DIMT1: variants seen among roughly 807,000 people sequenced by gnomAD.
The protein encoded by DIMT1 is DIM1 rRNA methyltransferase and ribosome maturation factor.
DIMT1 carries 36 observed loss-of-function variants against 43.2 expected under a neutral mutation model. That is an observed-to-expected ratio of 0.83 (90% confidence interval 0.64 to 1.10). DIMT1 has a LOEUF of 1.10. Ranked by LOEUF, DIMT1 falls within the 50% of genes least tolerant of loss-of-function variation. The pLI, the probability that DIMT1 is intolerant of heterozygous loss-of-function variation, is 0.00. For synonymous variants in DIMT1, 126 were observed against 130.3 expected (o/e 0.97, Z 0.22); for missense variants, 341 against 385.3 (o/e 0.88, Z 0.96).
intron 2 of DIMT1, 143 bp from the exon 3 acceptor site, chr5:62,402,265 GGTTAACAAAA>G: frequency 1.3e-6 from 1 of 791,460 alleles, no homozygotes; most frequent in South Asian, 1.7e-5. Context: ...TGATCTACGT[GGTTAACAAAA>G]TTACCTCAAT....
At chr5:62,395,487 GTA>G (rs1182402417) in intron 6 of DIMT1, among the ~76,000 whole-genome samples, 2 of 152,058 alleles carry the variant, frequency 1.3e-5, no homozygotes, top group African/African-American at 4.8e-5. Context: ...ATGTCTGTAT[GTA>G]TATGTGTTTA....
chr5:62,403,395 T>C (rs372927915), intron 1 of DIMT1, 49 bp from the exon 2 acceptor site: 232 of 1,565,594 alleles, frequency 1.5e-4, no homozygotes, highest in Non-Finnish European at 1.8e-4. Flanking sequence ...AGATTAGATA[T>C]TAGGCAGTAC....
At chr5:62,389,083 T>C (rs1435855359) in intron 11 of DIMT1, 31 bp from the exon 12 acceptor site, 8 of 1,588,174 alleles carry the variant, frequency 5.0e-6, no homozygotes, top group Non-Finnish European at 6.9e-6. Flanking sequence ...GGAATGGTAC[T>C]GAAAAGCTAA....
chr5:62,388,976 T>C lies in DIMT1; in HGVS notation c.*34A>G. 3 of 1,585,444 alleles carry C rather than the reference T, an allele frequency of 1.9e-6. No individual in the cohort carries two copies. The highest frequency in any genetic ancestry group is 2.6e-6 in the Non-Finnish European group (3 of 1,159,114). On this transcript the variant is annotated 3_prime_UTR_variant, in exon 12 of 12. Coordinates refer to ENST00000199320, the MANE Select transcript of DIMT1 (RefSeq NM_014473.4). Reference sequence around the variant, plus strand: ...ACAAAAAATACAAAATTCATTTCTTTTCTTGACCTTGAAAATTTCTGTTTT... The same window carrying C: ...ACAAAAAATACAAAATTCATTTCTTCTCTTGACCTTGAAAATTTCTGTTTT...
At chr5:62,390,194 G>A (rs986800037) in intron 11 of DIMT1, among the ~76,000 whole-genome samples, 2 of 152,184 alleles carry the variant, frequency 1.3e-5, no homozygotes, top group African/African-American at 4.8e-5. Context: ...CCTTCTGAAA[G>A]TTAACATCTT....
intron 11 of DIMT1, among the ~76,000 whole-genome samples, chr5:62,390,538 A>C (rs1742253458): frequency 6.6e-6 from 1 of 152,160 alleles, no homozygotes. Context: ...ACTATTTTGG[A>C]GGGATAAGCT....
chr5:62,394,062 G>A lies in DIMT1; in HGVS notation c.571-15C>T, dbSNP rs778490478. On this transcript the variant is annotated splice_polypyrimidine_tract_variant and intron_variant, in intron 7 of 11. Coordinates refer to ENST00000199320, the MANE Select transcript of DIMT1 (RefSeq NM_014473.4). ...TTCTTTCCCACCTGTTAATGAAAAA[G>A]TATTTAAGTAGTACTCACAAAGGCA... 1 of 1,609,172 alleles carries A rather than the reference G, an allele frequency of 6.2e-7. No homozygotes were observed. The highest frequency in any genetic ancestry group is 2.2e-5 in the East Asian group (1 of 44,776).
At position 62,387,962 on chromosome 5, in the gene DIMT1, A is replaced by G. The variant is rs1020536275; in HGVS notation, c.*1048T>C. ...TAAAAAAAGCCAAATATCAATAAAG[A>G]TATTTTTATTAATTTTTTATAGAAA... On this transcript the variant is annotated 3_prime_UTR_variant, in exon 12 of 12. Transcript: ENST00000199320. 1.3e-5 allele frequency: 2 copies of G among 152,118 alleles called. No homozygotes were observed. Among genetic ancestry groups the G allele is most frequent in the East Asian group, 3.8e-4 (2 of 5,202 alleles). 9.4% of individuals were successfully genotyped at this position (152,118 alleles called of 1,614,324 possible).
At chr5:62,392,461 AC>A (rs1200755590) in intron 9 of DIMT1, among the ~76,000 whole-genome samples, 1 of 152,032 alleles carries the variant, frequency 6.6e-6, no homozygotes, top group Admixed American at 6.6e-5. Flanking sequence ...AAATCCTAAT[AC>A]CTCTTAAATT....
intron 2 of DIMT1, 105 bp downstream of exon 2, chr5:62,403,168 T>G (rs1355654584): frequency 1.0e-6 from 1 of 985,218 alleles, no homozygotes; most frequent in Non-Finnish European, 1.6e-6. Context: ...CAACAAATAT[T>G]TACAGAGCAT....
At chr5:62,394,089 CTT>C (rs771451193) in intron 7 of DIMT1, 42 bp from the exon 8 acceptor site, 16 of 1,583,090 alleles carry the variant, frequency 1.0e-5, no homozygotes, top group Non-Finnish European at 1.4e-5. Flanking sequence ...ACAAAGGCAA[CTT>C]TTATTTAGTA....
At position 62,403,869 on chromosome 5, in the gene DIMT1, G is replaced by GC; in HGVS notation, c.-98dup. On this transcript the variant is annotated 5_prime_UTR_variant, in exon 1 of 12. Coordinates refer to ENST00000199320, the MANE Select transcript of DIMT1 (RefSeq NM_014473.4). Reference sequence around the variant, plus strand: ...CACGTGGGGATCGCCGCCACGCGCCGCCCGCACCACTCTGGCCCAAGCGCC... The same window carrying GC: ...CACGTGGGGATCGCCGCCACGCGCCGCCCCGCACCACTCTGGCCCAAGCGCC... 1 of 1,324,490 alleles carries GC rather than the reference G, an allele frequency of 7.6e-7. No individual in the cohort carries two copies. The highest frequency in any genetic ancestry group is 1.0e-6 in the Non-Finnish European group (1 of 959,602). 82.0% of individuals were successfully genotyped at this position (1,324,490 alleles called of 1,614,324 possible).
rs747308911 is a variant in DIMT1, at chr5:62,392,997, T to C, written c.664-7A>G. ...TTACTAGACCATCCCATTCCTGAAA[T>C]AGAAGATAGACATTTTCTTCAAATT... is the stretch of plus-strand genomic sequence containing the variant. On this transcript the variant is annotated splice_region_variant and splice_polypyrimidine_tract_variant and intron_variant, in intron 8 of 11. Transcript: ENST00000199320. The C allele has an allele frequency of 6.3e-7, 1 of 1,598,640 alleles. No individual in the cohort carries two copies.
At chr5:62,401,477 AG>A (rs1437569994) in intron 3 of DIMT1, among the ~76,000 whole-genome samples, 1 of 126,508 alleles carries the variant, frequency 7.9e-6, no homozygotes, top group Non-Finnish European at 1.6e-5. Context: ...CCTGGGGAAC[AG>A]TGTGAAATTC....
At chr5:62,394,186 G>A in intron 7 of DIMT1, 139 bp from the exon 8 acceptor site, 1 of 920,028 alleles carries the variant, frequency 1.1e-6, no homozygotes, top group Non-Finnish European at 1.7e-6. Context: ...AAAATCACTG[G>A]CTGGGTGCTT....
At chr5:62,389,485 C>CAAAAAAAAAAAAAAAAAAAAAAAAAAAAA (rs775533413) in intron 11 of DIMT1, among the ~76,000 whole-genome samples, 3 of 75,916 alleles carry the variant, frequency 4.0e-5, no homozygotes, top group Admixed American at 1.5e-4. Flanking sequence ...GACTCTGTCT[C>CAAAAAAAAAAAAAAAAAAAAAAAAAAAAA]AAAAAAAAAA....
rs568469107 is a variant in DIMT1, at chr5:62,388,605, G to C, written c.*405C>G. On this transcript the variant is annotated 3_prime_UTR_variant, in exon 12 of 12. Coordinates refer to ENST00000199320, the MANE Select transcript of DIMT1 (RefSeq NM_014473.4). ...AATGTGAATAACACGAAATGGTATG[G>C]GGAATGTGTGACTAGTGAAGCATAT... 4.8e-5 allele frequency: 8 copies of C among 168,198 alleles called. No homozygotes were observed. The South Asian group carries it at 1.3e-3, about 26-fold the overall frequency. The allele number at this position is 168,198 out of a possible 1,614,324, so 10.4% of individuals were successfully genotyped here. A position where few individuals can be genotyped will look rare whatever the true frequency, so the allele number is the denominator to read the frequency against.
At chr5:62,403,579 C>T in intron 1 of DIMT1, 115 bp downstream of exon 1, 1 of 1,305,908 alleles carries the variant, frequency 7.7e-7, no homozygotes, top group Non-Finnish European at 1.1e-6. Context: ...CTTCCGCGCT[C>T]ACGGGAGCGC....
At chr5:62,391,711 C>A in intron 10 of DIMT1, 1 of 1,301,746 alleles carries the variant, frequency 7.7e-7, no homozygotes, top group Non-Finnish European at 9.7e-7. Context: ...GGCTCACAAC[C>A]AGAAATCTGC....
Sources: allele counts gnomAD v4.1 joint callset (sites outside exome capture counted in the v4.1 genomes callset), GRCh38; gene constraint gnomAD v4.1.1; transcripts MANE v1.5; gene names NCBI Gene and HGNC (gene_info 2026-07-23, HGNC 2026-07-21).